RARS2: variants seen among roughly 807,000 people sequenced by gnomAD.
The protein encoded by RARS2 is arginyl-tRNA synthetase 2, mitochondrial, also known as probable arginine--tRNA ligase, mitochondrial.
A neutral mutation model predicts 88.5 loss-of-function variants in RARS2; 67 were observed. The observed-to-expected ratio is 0.76, with a 90% confidence interval of 0.62 to 0.93. RARS2 has a LOEUF of 0.93. Ranked by LOEUF, RARS2 falls within the 40% of genes least tolerant of loss-of-function variation. The pLI, the probability that RARS2 is intolerant of heterozygous loss-of-function variation, is 0.00. For synonymous variants in RARS2, 239 were observed against 230.3 expected (o/e 1.04, Z -0.34); for missense variants, 664 against 684.2 (o/e 0.97, Z 0.33).
At chr6:87,537,205 A>C (rs1016708782) in intron 8 of RARS2, among the ~76,000 whole-genome samples, 3 of 152,262 alleles carry the variant, frequency 2.0e-5, no homozygotes, top group Non-Finnish European at 4.4e-5. Context: ...CAAATATGCC[A>C]GAAGGTTGAA....
intron 4 of RARS2, among the ~76,000 whole-genome samples, chr6:87,559,252 T>C (rs1452710047): frequency 6.6e-6 from 1 of 151,944 alleles, no homozygotes; most frequent in African/African-American, 2.4e-5. Flanking sequence ...ATAAAAATGT[T>C]ACAGTCAGCT....
chr6:87,571,889 T>G (rs1161763812), intron 1 of RARS2, among the ~76,000 whole-genome samples: 1 of 152,182 alleles, frequency 6.6e-6, no homozygotes, highest in African/African-American at 2.4e-5. Flanking sequence ...AAGTTTCCTC[T>G]CAGGGTACAA....
chr6:87,548,654 A>G lies in RARS2; in HGVS notation c.396-8T>C. On this transcript the variant is annotated splice_region_variant and splice_polypyrimidine_tract_variant and intron_variant, in intron 5 of 19. Transcript: ENST00000369536. ...TTGGCAACATTAGGTGAACTGCAAA[A>G]AAAATGGGAAACATTTCTCTATTCT... The G allele has an allele frequency of 6.2e-7, 1 of 1,611,500 alleles. No homozygotes were observed. Among genetic ancestry groups the G allele is most frequent in the Non-Finnish European group, 8.5e-7 (1 of 1,178,524 alleles).
At chr6:87,571,456 A>C (rs1769701907) in intron 1 of RARS2, among the ~76,000 whole-genome samples, 1 of 152,250 alleles carries the variant, frequency 6.6e-6, no homozygotes, top group African/African-American at 2.4e-5. Flanking sequence ...CCTTTCATTG[A>C]GAAATGCATA....
chr6:87,541,917 C>T lies in RARS2; in HGVS notation c.612+1G>A, dbSNP rs1781109463. ...TTTGAAATGTTTTCTTGCCAACTTA[C>T]TTCAAAGAGATGCTGTAGAGGATTG... On this transcript the variant is annotated splice_donor_variant, in intron 8 of 19. Transcript: ENST00000369536. LOFTEE classifies it high-confidence loss of function. The T allele has an allele frequency of 1.2e-6, 2 of 1,611,192 alleles. No individual in the cohort carries two copies. Among genetic ancestry groups the T allele is most frequent in the Non-Finnish European group, 1.7e-6 (2 of 1,177,490 alleles).
intron 5 of RARS2, among the ~76,000 whole-genome samples, chr6:87,549,357 A>AAAAAAATAAAAAT (rs1299109706): frequency 1.3e-5 from 2 of 151,416 alleles, no homozygotes; most frequent in African/African-American, 4.9e-5. Flanking sequence ...ACTCTGTCTC[A>AAAAAAATAAAAAT]AAAAAATAAA....
At chr6:87,548,023 T>C (rs1326533118) in intron 6 of RARS2, among the ~76,000 whole-genome samples, 1 of 152,218 alleles carries the variant, frequency 6.6e-6, no homozygotes, top group Non-Finnish European at 1.5e-5. Flanking sequence ...CAAAAATTGT[T>C]ATTCGTGTTT....
At chr6:87,566,230 T>C (rs1767818715) in intron 2 of RARS2, among the ~76,000 whole-genome samples, 1 of 152,232 alleles carries the variant, frequency 6.6e-6, no homozygotes, top group Non-Finnish European at 1.5e-5. Flanking sequence ...AAAAGCGATA[T>C]TCATTTTAAA....
intron 8 of RARS2, among the ~76,000 whole-genome samples, chr6:87,537,586 C>T (rs1779577856): frequency 6.6e-6 from 1 of 152,076 alleles, no homozygotes; most frequent in South Asian, 2.1e-4. Flanking sequence ...CAAATTCATT[C>T]AGGCATTTAC....
chr6:87,565,415 A>C (rs1333474743), intron 2 of RARS2, among the ~76,000 whole-genome samples: 1 of 152,224 alleles, frequency 6.6e-6, no homozygotes, highest in African/African-American at 2.4e-5. Context: ...AGAAACAAAC[A>C]CAAAGCAACT....
In RARS2 at chr6:87,518,416, G is replaced by T. The variant is rs567911049; in HGVS notation, c.1416-152C>A. 2.0e-3 allele frequency: 3,033 copies of T among 1,487,898 alleles called. 7 individuals are homozygous for T. The highest frequency in any genetic ancestry group is 2.1e-3 in the Non-Finnish European group (2,344 of 1,111,110). 92.2% of individuals were successfully genotyped at this position (1,487,898 alleles called of 1,614,324 possible). On this transcript the variant is annotated intron_variant, in intron 16 of 19. Transcript: ENST00000369536. The stretch of plus-strand genomic sequence containing the variant: ...AGGTAACAGTATATTTTTCGACAGG[G>T]TTATTCTGAGGACTAAGATAATACA...
intron 18 of RARS2, among the ~76,000 whole-genome samples, chr6:87,515,506 C>T (rs1016619483): frequency 1.3e-5 from 2 of 150,364 alleles, no homozygotes; most frequent in Admixed American, 1.3e-4. Flanking sequence ...GGCAAGAGTG[C>T]GAGACTCTGT....
chr6:87,578,958 C>CAAA (rs72383675), intron 1 of RARS2, among the ~76,000 whole-genome samples: 1,963 of 41,860 alleles, frequency 0.047, 566 homozygotes, highest in Admixed American at 0.058. Flanking sequence ...GAGACTGTCT[C>CAAA]AAAAAAAAAA....
At chr6:87,567,053 A>C (rs1221291686) in intron 2 of RARS2, among the ~76,000 whole-genome samples, 1 of 151,892 alleles carries the variant, frequency 6.6e-6, no homozygotes, top group Non-Finnish European at 1.5e-5. Context: ...GGAGTTTGAG[A>C]CCAGCCTGGC....
chr6:87,589,768 CCACCAGCTCCAGAGAAGGGGGAGGAGGT>C, intron 1 of RARS2, 126 bp downstream of exon 1: 1 of 985,222 alleles, frequency 1.0e-6, no homozygotes. Context: ...TTCTGAAGCT[CCACCAGCTCCAGAGAAGGGGGAGGAGGT>C]GGTAGAAACT....
intron 18 of RARS2, chr6:87,516,039 C>T (rs1327873296): frequency 2.0e-5 from 3 of 151,082 alleles, no homozygotes; most frequent in African/African-American, 7.3e-5. Context: ...AAAATCCTTA[C>T]ATAAATCTAG....
intron 8 of RARS2, among the ~76,000 whole-genome samples, chr6:87,532,949 A>G (rs1777994621): frequency 6.6e-6 from 1 of 152,208 alleles, no homozygotes; most frequent in African/African-American, 2.4e-5. Flanking sequence ...GCCATTGACA[A>G]CTGCTTAACG....
intron 1 of RARS2, among the ~76,000 whole-genome samples, chr6:87,585,732 A>AAAATAAATAAATAAAT (rs59852322): frequency 2.6e-5 from 4 of 151,088 alleles, no homozygotes; most frequent in African/African-American, 9.8e-5. Context: ...ACTCCATCTC[A>AAAATAAATAAATAAAT]AAATAAATAA....
intron 5 of RARS2, among the ~76,000 whole-genome samples, chr6:87,555,012 G>A (rs1785392796): frequency 6.6e-6 from 1 of 151,982 alleles, no homozygotes; most frequent in African/African-American, 2.4e-5. Context: ...GCTGAGGCAG[G>A]AGAATGGCGT....
Sources: gnomAD v4.1 joint callset for allele counts (sites outside exome capture counted in the v4.1 genomes callset) on GRCh38, gnomAD v4.1.1 for gene constraint, MANE v1.5 for transcripts, NCBI Gene and HGNC (gene_info 2026-07-23, HGNC 2026-07-21) for gene names.